Variants in KNDC1 observed in about 807,000 individuals in gnomAD.
KNDC1 encodes kinase non-catalytic C-lobe domain-containing protein 1.
KNDC1 carries 106 observed loss-of-function variants against 172.8 expected under a neutral mutation model. The ratio of observed to expected loss-of-function variants is 0.61; its 90% CI spans 0.52 to 0.72. The LOEUF is 0.72. Among genes scored for constraint, KNDC1 ranks in the 30% least tolerant of loss-of-function variants. The pLI, the probability that KNDC1 is intolerant of heterozygous loss-of-function variation, is 0.00. For synonymous variants in KNDC1, 1,083 were observed against 1,062.2 expected (o/e 1.02, Z -0.38); for missense variants, 2,325 against 2,394.5 (o/e 0.97, Z 0.61).
chr10:133,160,534 G>T lies in KNDC1; in HGVS notation c.67G>T (p.Asp23Tyr). The T allele has an allele frequency of 6.3e-7, 1 of 1,586,344 alleles. No individual in the cohort carries two copies. The highest frequency in any genetic ancestry group is 1.8e-5 in the Admixed American group (1 of 56,870). Residue 23 changes from aspartate (D) to tyrosine (Y), a missense_variant, in exon 1 of 30, where the codon GAC (aspartate) becomes TAC (tyrosine). Asp to Tyr is a radical substitution (Grantham distance 160). Transcript: ENST00000304613. ...EEDGKDLDFYDFEPLPTLPED... is the reference protein window; with the variant it reads ...EEDGKDLDFYYFEPLPTLPED... The stretch of plus-strand genomic sequence containing the variant: ...GGACGGCAAAGACCTGGACTTCTAC[G>T]ACTTCGAGCCGCTGCCCACCCTCCC...
At chr10:133,195,561 G>T in intron 9 of KNDC1, 102 bp from the exon 10 acceptor site, 1 of 1,149,810 alleles carries the variant, frequency 8.7e-7, no homozygotes, top group Non-Finnish European at 1.2e-6. Flanking sequence ...CTCTGTGGGG[G>T]CAGTGCCTGG....
intron 9 of KNDC1, among the ~76,000 whole-genome samples, chr10:133,191,744 T>C (rs1288258589): frequency 6.6e-6 from 1 of 152,214 alleles, no homozygotes; most frequent in Non-Finnish European, 1.5e-5. Flanking sequence ...CCTGGGTCTG[T>C]AATCAGAGGA....
intron 1 of KNDC1, among the ~76,000 whole-genome samples, chr10:133,165,007 C>T (rs578120224): frequency 6.6e-6 from 1 of 152,156 alleles, no homozygotes; most frequent in East Asian, 1.9e-4. Context: ...GCTGCAGGTC[C>T]CAGAGGGCAG....
rs533043413 is a variant in KNDC1 at position 133,224,459 on chromosome 10, G to A, written c.5019-200G>A. Among the ~76,000 whole-genome samples the A allele has an allele frequency of 6.6e-6, 1 of 152,252 alleles. No individual in the cohort carries two copies. The highest frequency in any genetic ancestry group is 2.4e-5 in the African/African-American group (1 of 41,538). ...GCGTGTGTGGACTGAAATGTGGATG[G>A]ATGGACAGTCAGACAGACGGAAAGG... On this transcript the variant is annotated intron_variant, in intron 29 of 29. Transcript: ENST00000304613. The surrounding 1 kb of genome is among the most constrained non-coding windows in gnomAD (Gnocchi z 5.4).
chr10:133,213,021 A>G (rs1791863574), intron 24 of KNDC1, 99 bp downstream of exon 24: 3 of 1,088,368 alleles, frequency 2.8e-6, no homozygotes, highest in East Asian at 2.6e-5. Flanking sequence ...CCAGAGGAAC[A>G]GACGGGCAGA....
At position 133,189,673 on chromosome 10, in the gene KNDC1, A is replaced by G; in HGVS notation, c.1513+4A>G. ...TTCCAGCCACCCCCTGCCAACGGTGAGTGTGTGGGTTCCCCTCAGGCCGAG... is the reference window on the plus strand; with the variant it reads ...TTCCAGCCACCCCCTGCCAACGGTGGGTGTGTGGGTTCCCCTCAGGCCGAG... On this transcript the variant is annotated splice_donor_region_variant and intron_variant, in intron 8 of 29. Transcript: ENST00000304613. 1 of 1,613,872 alleles carries G rather than the reference A, an allele frequency of 6.2e-7. No individual in the cohort carries two copies. Among genetic ancestry groups the G allele is most frequent in the Non-Finnish European group, 8.5e-7 (1 of 1,179,952 alleles).
At chr10:133,211,264 G>A (rs964440937) in intron 21 of KNDC1, among the ~76,000 whole-genome samples, 158 bp from the exon 22 acceptor site, 2 of 131,854 alleles carry the variant, frequency 1.5e-5, no homozygotes, top group African/African-American at 3.0e-5. Context: ...CTCCTGCCTC[G>A]GGGGAGGGAC....
rs1421765201 is a variant in KNDC1 at position 133,198,415 on chromosome 10, A to C, written c.1985A>C (p.Glu662Ala). The change falls in exon 13 of 30, where the codon GAA becomes GCA. Residue 662 changes from glutamate (E) to alanine (A), a missense_variant. Physicochemically the swap from Glu to Ala is moderately radical, Grantham distance 107 (BLOSUM62 -1). Coordinates refer to ENST00000304613, the MANE Select transcript of KNDC1 (RefSeq NM_152643.8). ...CCCGGCCAGCACCCCTGCGGTGAAG[A>C]AGCCACCCAGCTGCCTGCAGCGTTC... ...PVPGQHPCGE[E>A]ATQLPAAFTS... 3.7e-6 allele frequency: 6 copies of C among 1,602,224 alleles called. No homozygotes were observed. Among genetic ancestry groups the C allele is most frequent in the Non-Finnish European group, 4.3e-6 (5 of 1,175,238 alleles).
rs1845714679 is a variant in KNDC1, at chr10:133,226,204, T to A, written c.*1314T>A. ...TCCTGGCCACGAAATGCAGTTCACTTTTTTTTAGGCTTTTATATGGATTAT... is the reference window on the plus strand; with the variant it reads ...TCCTGGCCACGAAATGCAGTTCACTATTTTTTAGGCTTTTATATGGATTAT... On this transcript the variant is annotated 3_prime_UTR_variant, in exon 30 of 30. Coordinates refer to ENST00000304613, the MANE Select transcript of KNDC1 (RefSeq NM_152643.8). The A allele has an allele frequency of 6.6e-6, 1 of 152,170 alleles. No homozygotes were observed. Among genetic ancestry groups the A allele is most frequent in the African/African-American group, 2.4e-5 (1 of 41,424 alleles). The allele number at this position is 152,170 out of a possible 1,614,324, so 9.4% of individuals were successfully genotyped here. A position where few individuals can be genotyped will look rare whatever the true frequency, so the allele number is the denominator to read the frequency against.
intron 21 of KNDC1, 147 bp from the exon 22 acceptor site, chr10:133,211,275 C>A (rs1845356858): frequency 2.9e-6 from 2 of 697,394 alleles, no homozygotes; most frequent in Non-Finnish European, 4.6e-6. Context: ...GGGGAGGGAC[C>A]CACGGAAGAC....
chr10:133,167,054 T>C (rs756411756), intron 1 of KNDC1: 65 of 405,838 alleles, frequency 1.6e-4, no homozygotes, highest in Non-Finnish European at 2.6e-4. Flanking sequence ...GCCGTGAGCC[T>C]GCGGGGTCGG....
intron 15 of KNDC1, 151 bp downstream of exon 15, chr10:133,199,753 G>T: frequency 1.1e-6 from 1 of 875,702 alleles, no homozygotes; most frequent in South Asian, 1.7e-5. Flanking sequence ...GGTGGAGATG[G>T]GTGGGGGTCC....
chr10:133,179,438 C>T (rs996848077), intron 3 of KNDC1: 3 of 152,256 alleles, frequency 2.0e-5, no homozygotes. Context: ...CCCAGGGCCA[C>T]GAAGAGCCTC....
chr10:133,181,292 C>T (rs986399724), intron 3 of KNDC1, among the ~76,000 whole-genome samples: 1 of 152,252 alleles, frequency 6.6e-6, no homozygotes, highest in Non-Finnish European at 1.5e-5. Flanking sequence ...ACATGCATGT[C>T]ACAGGTCCCC....
chr10:133,224,557 A>G lies in KNDC1; in HGVS notation c.5019-102A>G. The G allele has an allele frequency of 2.5e-6, 2 of 803,958 alleles. No individual in the cohort carries two copies. Among genetic ancestry groups the G allele is most frequent in the Non-Finnish European group, 2.0e-6 (1 of 500,300 alleles). The allele number at this position is 803,958 out of a possible 1,614,324, so 49.8% of individuals were successfully genotyped here. On this transcript the variant is annotated intron_variant, in intron 29 of 29. Coordinates refer to ENST00000304613, the MANE Select transcript of KNDC1 (RefSeq NM_152643.8). The surrounding 1 kb of genome is among the most constrained non-coding windows in gnomAD (Gnocchi z 5.4). Reference sequence around the variant, plus strand: ...CCTTCAGAATTTACACGGTGAAAAGATTTAGTCCAAATGATTCCTAAGAAC... The same window carrying G: ...CCTTCAGAATTTACACGGTGAAAAGGTTTAGTCCAAATGATTCCTAAGAAC...
At position 133,195,690 on chromosome 10, in the gene KNDC1, C is replaced by A; in HGVS notation, c.1603C>A (p.Leu535Met). The change falls in exon 10 of 30, where the codon CTG becomes ATG. Residue 535 changes from leucine (L) to methionine (M), a missense_variant. By Grantham distance (15) the Leu-to-Met change is conservative. Transcript: ENST00000304613. ...KASVYCVAAV[L>M]WTAAKFSVPR... The stretch of plus-strand genomic sequence containing the variant: ...CTCTGTGTACTGTGTGGCCGCCGTT[C>A]TGTGGACCGCAGCCAAGTTCAGCGT... The A allele has an allele frequency of 6.2e-7, 1 of 1,612,394 alleles. No homozygotes were observed. Among genetic ancestry groups the A allele is most frequent in the Non-Finnish European group, 8.5e-7 (1 of 1,179,550 alleles).
intron 3 of KNDC1, among the ~76,000 whole-genome samples, chr10:133,178,315 G>T (rs1376810281): frequency 6.6e-6 from 1 of 152,208 alleles, no homozygotes; most frequent in Non-Finnish European, 1.5e-5. Flanking sequence ...TTTGGGTGAG[G>T]ACAAGGCTTT....
At position 133,225,197 on chromosome 10, in the gene KNDC1, C is replaced by T. The variant is rs1845696362; in HGVS notation, c.*307C>T. Reference sequence around the variant, plus strand: ...TTCCCAGGAGTTTTGTGCCTGTCTGCGCCTCTCACACACAGATAAGTGGCT... The same window carrying T: ...TTCCCAGGAGTTTTGTGCCTGTCTGTGCCTCTCACACACAGATAAGTGGCT... On this transcript the variant is annotated 3_prime_UTR_variant, in exon 30 of 30. Coordinates refer to ENST00000304613, the MANE Select transcript of KNDC1 (RefSeq NM_152643.8). The T allele has an allele frequency of 2.8e-6, 1 of 360,968 alleles. No homozygotes were observed. Among genetic ancestry groups the T allele is most frequent in the African/African-American group, 2.1e-5 (1 of 47,674 alleles). 22.4% of individuals were successfully genotyped at this position (360,968 alleles called of 1,614,324 possible). A position where few individuals can be genotyped will look rare whatever the true frequency, so the allele number is the denominator to read the frequency against.
intron 3 of KNDC1, among the ~76,000 whole-genome samples, chr10:133,171,633 G>A (rs1300491269): frequency 2.0e-5 from 3 of 151,790 alleles, no homozygotes; most frequent in African/African-American, 7.3e-5. Flanking sequence ...CTACAGAAAT[G>A]CAATGCACTT....
Sources: gnomAD v4.1 joint callset for allele counts (sites outside exome capture counted in the v4.1 genomes callset) on GRCh38, gnomAD v4.1.1 for gene constraint, Gnocchi (gnomAD v3.1) non-coding constraint, MANE v1.5 for transcripts, NCBI Gene and HGNC (gene_info 2026-07-23, HGNC 2026-07-21) for gene names.